Variants in ZC3H14 observed in about 807,000 individuals in gnomAD.
ZC3H14 encodes zinc finger CCCH domain-containing protein 14.
In ZC3H14, 31 loss-of-function variants were observed where a neutral mutation model predicts 92.4. The observed-to-expected ratio is 0.34, with a 90% confidence interval of 0.25 to 0.45. ZC3H14 has a LOEUF of 0.45. Ranked by LOEUF, ZC3H14 falls within the 20% of genes least tolerant of loss-of-function variation. ZC3H14 has a pLI of 1.00. For missense variants in ZC3H14, 781 were observed against 897.3 expected, an observed-to-expected ratio of 0.87 and a Z score of 1.66; for synonymous variants, 321 against 300.9, an observed-to-expected ratio of 1.07 and a Z score of -0.69.
rs1566886510 is a variant in ZC3H14 at position 88,568,140 on chromosome 14, C to T, written c.181C>T (p.Arg61Ter). ...LSLFLGNNTI[R>*]FTVWLHGVLD... ...CCTGTTTCTAGGGAACAACACAATT[C>T]GATTCACCGTATGGTATGTTTCTGA... Residue 61 changes from arginine to a stop codon, truncating the protein, a stop_gained, in exon 3 of 17, where the codon CGA becomes TGA. Coordinates refer to ENST00000251038, the MANE Select transcript of ZC3H14 (RefSeq NM_024824.5). LOFTEE classifies it high-confidence loss of function. 3.1e-6 allele frequency: 5 copies of T among 1,613,906 alleles called. No individual in the cohort carries two copies. Among genetic ancestry groups the T allele is most frequent in the Non-Finnish European group, 4.2e-6 (5 of 1,179,836 alleles).
chr14:88,569,011 C>G (rs549003212), intron 3 of ZC3H14, among the ~76,000 whole-genome samples: 1 of 152,008 alleles, frequency 6.6e-6, no homozygotes, highest in South Asian at 2.1e-4. Context: ...TCCCCTCCTT[C>G]CTGAACTCCC....
At position 88,578,106 on chromosome 14, in the gene ZC3H14, G is replaced by A. The variant is rs200698023; in HGVS notation, c.1245G>A (p.Glu415=). The part of the protein sequence containing the change: ...TPRISPPIKE[E]ETKGDSVEKN... Reference sequence around the variant, plus strand: ...GAATAAGTCCCCCCATTAAAGAAGAGGAAACAAAAGGAGATTCTGTAGAAA... The same window carrying A: ...GAATAAGTCCCCCCATTAAAGAAGAAGAAACAAAAGGAGATTCTGTAGAAA... Residue 415 remains glutamate (E), a synonymous_variant, in exon 9 of 17, where the codon GAG becomes GAA. Transcript: ENST00000251038. 1 of 1,613,890 alleles carries A rather than the reference G, an allele frequency of 6.2e-7. No individual in the cohort carries two copies. The highest frequency in any genetic ancestry group is 1.3e-5 in the African/African-American group (1 of 74,956).
At chr14:88,586,843 C>CA (rs1478100369) in intron 9 of ZC3H14, 2 of 152,016 alleles carry the variant, frequency 1.3e-5, no homozygotes, top group Admixed American at 1.3e-4. Flanking sequence ...TAAAAAGCAA[C>CA]ATTCCTTACT....
At chr14:88,587,586 C>T (rs925835141) in intron 9 of ZC3H14, among the ~76,000 whole-genome samples, 1 of 152,086 alleles carries the variant, frequency 6.6e-6, no homozygotes, top group Non-Finnish European at 1.5e-5. Flanking sequence ...ATTTTGTTCC[C>T]TACTTTAGTT....
At chr14:88,598,527 C>G (rs1365484308) in intron 10 of ZC3H14, among the ~76,000 whole-genome samples, 2 of 152,216 alleles carry the variant, frequency 1.3e-5, no homozygotes, top group African/African-American at 4.8e-5. Flanking sequence ...TCCAGGGACT[C>G]TGTTCTTATC....
chr14:88,616,284 A>C lies in ZC3H14; in HGVS notation c.*4533A>C. ...GACAAGCTCAGGGCATTTGGTGCACACAGAAGTCAAAGGCTCTTATTAGGA... is the reference window on the plus strand; with the variant it reads ...GACAAGCTCAGGGCATTTGGTGCACCCAGAAGTCAAAGGCTCTTATTAGGA... On this transcript the variant is annotated 3_prime_UTR_variant, in exon 17 of 17. Transcript: ENST00000251038. The C allele has an allele frequency of 6.3e-7, 1 of 1,583,742 alleles. No homozygotes were observed. The highest frequency in any genetic ancestry group is 8.7e-7 in the Non-Finnish European group (1 of 1,152,762).
In ZC3H14 at chr14:88,572,031, A is replaced by G; in HGVS notation, c.237A>G (p.Glu79=). 6.2e-7 allele frequency: 1 copy of G among 1,612,518 alleles called. No individual in the cohort carries two copies. The change falls in exon 5 of 17, where the codon GAA becomes GAG. Residue 79 remains glutamate (E), a splice_region_variant and synonymous_variant. Transcript: ENST00000251038. The part of the protein sequence containing the change: ...VLDKLRSVTT[E]PSSLKSSDTN... ...AAAGGACTGTATTTTTCTTTTCAGAACCCTCTAGTCTGAAGTCTTCTGATA... is the reference window on the plus strand; with the variant it reads ...AAAGGACTGTATTTTTCTTTTCAGAGCCCTCTAGTCTGAAGTCTTCTGATA...
intron 9 of ZC3H14, among the ~76,000 whole-genome samples, chr14:88,580,425 G>T (rs1253465013): frequency 1.3e-5 from 2 of 152,202 alleles, no homozygotes; most frequent in East Asian, 3.8e-4. Flanking sequence ...TTGAGGCCAG[G>T]AGTTGAAGAT....
At chr14:88,569,043 T>A (rs551926422) in intron 3 of ZC3H14, among the ~76,000 whole-genome samples, 1 of 152,206 alleles carries the variant, frequency 6.6e-6, no homozygotes, top group African/African-American at 2.4e-5. Context: ...ATTTTTAAAT[T>A]TTTTGTTCAG....
intron 9 of ZC3H14, 46 bp from the exon 10 acceptor site, chr14:88,596,688 T>C: frequency 1.3e-6 from 2 of 1,523,042 alleles, no homozygotes; most frequent in Admixed American, 1.7e-5. Context: ...CATGCTGGTA[T>C]TGTCTGTGTT....
chr14:88,566,787 G>T (rs1280258245), intron 2 of ZC3H14, among the ~76,000 whole-genome samples: 1 of 152,038 alleles, frequency 6.6e-6, no homozygotes, highest in Non-Finnish European at 1.5e-5. Context: ...GGGTGTGGTG[G>T]CAGGTGCCTG....
chr14:88,585,426 GAGTGTAGT>G (rs2082354855), intron 9 of ZC3H14, among the ~76,000 whole-genome samples: 1 of 150,228 alleles, frequency 6.7e-6, no homozygotes, highest in African/African-American at 2.5e-5. Flanking sequence ...TGCCAGGCTG[GAGTGTAGT>G]AGCGCGATCT....
At position 88,572,234 on chromosome 14, in the gene ZC3H14, C is replaced by T. The variant is rs1864610640; in HGVS notation, c.431+9C>T. 1 of 1,613,922 alleles carries T rather than the reference C, an allele frequency of 6.2e-7. No individual in the cohort carries two copies. Among genetic ancestry groups the T allele is most frequent in the Non-Finnish European group, 8.5e-7 (1 of 1,179,874 alleles). On this transcript the variant is annotated intron_variant, in intron 5 of 16. Coordinates refer to ENST00000251038, the MANE Select transcript of ZC3H14 (RefSeq NM_024824.5). ...AAAACCACAAATGTCAGGTAAGAGT[C>T]TGGTGTAGACCTGCTGGGGGCAGAT...
intron 9 of ZC3H14, chr14:88,591,239 AC>A (rs2083086783): frequency 6.6e-6 from 1 of 152,176 alleles, no homozygotes; most frequent in Non-Finnish European, 1.5e-5. Context: ...GGAGTTCGAG[AC>A]CAGCCTGGCC....
intron 2 of ZC3H14, among the ~76,000 whole-genome samples, chr14:88,564,494 G>A (rs1387998280): frequency 6.6e-6 from 1 of 152,158 alleles, no homozygotes; most frequent in Non-Finnish European, 1.5e-5. Flanking sequence ...AAAAATAATA[G>A]CTACCACTAA....
In ZC3H14 at chr14:88,616,064, A is replaced by G; in HGVS notation, c.*4313A>G. The G allele has an allele frequency of 6.7e-7, 1 of 1,495,536 alleles. No individual in the cohort carries two copies. Among genetic ancestry groups the G allele is most frequent in the South Asian group, 1.1e-5 (1 of 87,494 alleles). The allele number at this position is 1,495,536 out of a possible 1,614,324, so 92.6% of individuals were successfully genotyped here. On this transcript the variant is annotated 3_prime_UTR_variant, in exon 17 of 17. Transcript: ENST00000251038. ...TGTTGACTAGCTGATTTCATAAACC[A>G]AAGCTGTAGGAGTTGTTGTATTAAG...
chr14:88,604,374 T>A (rs765704640), intron 12 of ZC3H14, among the ~76,000 whole-genome samples: 30 of 152,054 alleles, frequency 2.0e-4, no homozygotes, highest in Non-Finnish European at 3.8e-4. Flanking sequence ...CTTTGTAAGA[T>A]TAGCATAGGG....
Position 88,563,648 on chromosome 14 carries a change from CAG to C in ZC3H14, c.37_38del. The C allele has an allele frequency of 6.2e-7, 1 of 1,614,192 alleles. No individual in the cohort carries two copies. The highest frequency in any genetic ancestry group is 8.5e-7 in the Non-Finnish European group (1 of 1,180,000). On this transcript the variant is annotated splice_acceptor_variant, in intron 1 of 16. Coordinates refer to ENST00000251038, the MANE Select transcript of ZC3H14 (RefSeq NM_024824.5). LOFTEE classifies it high-confidence loss of function. ...ACATGCACGTTTGCTCTTTTTCTCT[CAG>C]AGTGCCATTAAGGGGAAATTACAAG...
In ZC3H14 at chr14:88,568,129, A is replaced by G. The variant is rs147887635; in HGVS notation, c.170A>G (p.Asn57Ser). 3.9e-5 allele frequency: 63 copies of G among 1,613,994 alleles called. No individual in the cohort carries two copies. Among genetic ancestry groups the G allele is most frequent in the Non-Finnish European group, 5.3e-5 (62 of 1,179,950 alleles). The change falls in exon 3 of 17, where the codon AAC becomes AGC. Residue 57 changes from asparagine (N) to serine (S), a missense_variant. Physicochemically the swap from Asn to Ser is conservative, Grantham distance 46. This residue lies in a region of ZC3H14 where 106 missense variants were observed against 154.2 expected (regional missense o/e 0.69). Coordinates refer to ENST00000251038, the MANE Select transcript of ZC3H14 (RefSeq NM_024824.5). ...GAGGATCTGTCCCTGTTTCTAGGGA[A>G]CAACACAATTCGATTCACCGTATGG... is the stretch of plus-strand genomic sequence containing the variant. ...MTEDLSLFLG[N>S]NTIRFTVWLH...
Sources: gnomAD v4.1 joint callset for allele counts (sites outside exome capture counted in the v4.1 genomes callset) on GRCh38, gnomAD v4.1.1 for gene constraint, gnomAD v4.1.1 regional missense constraint, MANE v1.5 for transcripts, NCBI Gene and HGNC (gene_info 2026-07-23, HGNC 2026-07-21) for gene names.